The following DGKI variants were observed in gnomAD, a reference collection of about 807,000 sequenced individuals.
The protein encoded by DGKI is diacylglycerol kinase iota.
In DGKI, 55 loss-of-function variants were observed where a neutral mutation model predicts 147.5. The observed-to-expected ratio is 0.37, with a 90% CI of 0.30 to 0.47. The LOEUF (loss-of-function observed/expected upper bound fraction) is 0.47. Among genes scored for constraint, DGKI ranks in the 20% least tolerant of loss-of-function variants. The pLI, the probability that DGKI is intolerant of heterozygous loss-of-function variation, is 1.00. For missense variants in DGKI, 1,007 were observed against 1,323.8 expected, an observed-to-expected ratio of 0.76 and a Z score of 3.71; for synonymous variants, 469 against 477.1, an observed-to-expected ratio of 0.98 and a Z score of 0.22.
chr7:137,449,349 C>T (rs1813859163), intron 27 of DGKI, among the ~76,000 whole-genome samples: 1 of 152,176 alleles, frequency 6.6e-6, no homozygotes, highest in Non-Finnish European at 1.5e-5. Context: ...TTATAGCCAA[C>T]TGATTTTCAG....
At chr7:137,585,592 TC>T (rs145916158) in intron 13 of DGKI, among the ~76,000 whole-genome samples, 2,784 of 152,266 alleles carry the variant, frequency 0.018, 85 homozygotes, top group African/African-American at 0.063. Context: ...GAACCAATAG[TC>T]ACCGGTACAC....
chr7:137,743,998 A>T (rs1795254627), intron 1 of DGKI, among the ~76,000 whole-genome samples: 1 of 151,570 alleles, frequency 6.6e-6, no homozygotes, highest in Admixed American at 6.6e-5. Flanking sequence ...AGAAAAAAAA[A>T]AAAAACTAAT....
chr7:137,445,992 C>G (rs1187307866), intron 27 of DGKI, among the ~76,000 whole-genome samples: 1 of 152,182 alleles, frequency 6.6e-6, no homozygotes, highest in Non-Finnish European at 1.5e-5. Flanking sequence ...GTGCTTAGGT[C>G]ATACTAGAAT....
At chr7:137,401,680 G>T (rs1811767086) in intron 30 of DGKI, among the ~76,000 whole-genome samples, 1 of 152,168 alleles carries the variant, frequency 6.6e-6, no homozygotes. Flanking sequence ...TGTCAGCAGA[G>T]AATTCACTGT....
intron 20 of DGKI, among the ~76,000 whole-genome samples, chr7:137,539,409 A>G (rs562477799): frequency 6.6e-6 from 1 of 152,166 alleles, no homozygotes; most frequent in Non-Finnish European, 1.5e-5. Flanking sequence ...AAAGATGTTC[A>G]TGAACTCTTG....
intron 27 of DGKI, among the ~76,000 whole-genome samples, chr7:137,448,462 A>T (rs1813799860): frequency 6.7e-6 from 1 of 148,948 alleles, no homozygotes; most frequent in Non-Finnish European, 1.5e-5. Context: ...TGATTAATAA[A>T]TCTTCGTGTA....
At chr7:137,465,254 T>G (rs1485210626) in intron 26 of DGKI, among the ~76,000 whole-genome samples, 1 of 152,234 alleles carries the variant, frequency 6.6e-6, no homozygotes, top group Non-Finnish European at 1.5e-5. Flanking sequence ...AGAATGATGG[T>G]GATGACTATT....
chr7:137,662,099 A>T (rs966552054), intron 3 of DGKI, among the ~76,000 whole-genome samples: 2 of 152,234 alleles, frequency 1.3e-5, no homozygotes, highest in African/African-American at 4.8e-5. Context: ...GAATGACATT[A>T]TCTGAAAGTT....
intron 20 of DGKI, among the ~76,000 whole-genome samples, chr7:137,543,866 A>G (rs1024584504): frequency 2.6e-5 from 4 of 152,194 alleles, no homozygotes; most frequent in African/African-American, 7.2e-5. Context: ...CAAAATGCAC[A>G]TGTTGTGCTT....
chr7:137,455,012 C>G (rs1028073926), intron 27 of DGKI: 4 of 152,116 alleles, frequency 2.6e-5, no homozygotes, highest in Admixed American at 6.5e-5. Flanking sequence ...TCTCGTGATC[C>G]CGGATATGCA....
intron 28 of DGKI, among the ~76,000 whole-genome samples, chr7:137,426,375 G>T (rs1812806600): frequency 1.3e-5 from 2 of 152,138 alleles, no homozygotes; most frequent in African/African-American, 4.8e-5. Context: ...CAGCAGGCCT[G>T]CCCTAAAAGA....
At chr7:137,705,423 CATGA>C (rs1299417506) in intron 1 of DGKI, among the ~76,000 whole-genome samples, 1 of 151,988 alleles carries the variant, frequency 6.6e-6, no homozygotes, top group Non-Finnish European at 1.5e-5. Context: ...CTTCCAACAA[CATGA>C]ATGAATCTCA....
At chr7:137,756,318 T>C (rs1795679575) in intron 1 of DGKI, among the ~76,000 whole-genome samples, 2 of 152,206 alleles carry the variant, frequency 1.3e-5, no homozygotes, top group African/African-American at 4.8e-5. Context: ...TAGAAAATAA[T>C]GGAAATATAC....
chr7:137,817,624 A>C (rs1797777603), intron 1 of DGKI, among the ~76,000 whole-genome samples: 1 of 152,218 alleles, frequency 6.6e-6, no homozygotes, highest in Non-Finnish European at 1.5e-5. Flanking sequence ...TAATTTCACT[A>C]GTGATTAATA....
At position 137,651,779 on chromosome 7, in the gene DGKI, A is replaced by C. The variant is rs544358803; in HGVS notation, c.738+2953T>G. Among the ~76,000 whole-genome samples the C allele has an allele frequency of 2.6e-5, 4 of 152,318 alleles. No individual in the cohort carries two copies. In the East Asian group the frequency reaches 5.8e-4, roughly 22 times the overall value. ...GGGCCATCTGATGAAACAAGAAGAA[A>C]ATTAGGAAAGGGTGATGTGAGAAGC... On this transcript the variant is annotated intron_variant, in intron 5 of 32. Transcript: ENST00000614521.
intron 5 of DGKI, among the ~76,000 whole-genome samples, chr7:137,648,324 A>G (rs1226520458): frequency 6.6e-6 from 1 of 152,208 alleles, no homozygotes; most frequent in African/African-American, 2.4e-5. Flanking sequence ...ATCATGGCTG[A>G]CTCATGGGAT....
intron 1 of DGKI, among the ~76,000 whole-genome samples, chr7:137,740,171 C>A (rs1271736879): frequency 6.6e-6 from 1 of 152,124 alleles, no homozygotes; most frequent in African/African-American, 2.4e-5. Flanking sequence ...ATTTATGCAA[C>A]CTTGAAGAGA....
intron 28 of DGKI, among the ~76,000 whole-genome samples, chr7:137,434,327 C>G (rs1813199114): frequency 6.6e-6 from 1 of 151,900 alleles, no homozygotes; most frequent in African/African-American, 2.4e-5. Context: ...TGCCTGTAAT[C>G]CCAGCACTTT....
intron 19 of DGKI, among the ~76,000 whole-genome samples, chr7:137,556,291 C>T (rs1818221494): frequency 6.6e-6 from 1 of 150,732 alleles, no homozygotes; most frequent in Non-Finnish European, 1.5e-5. Flanking sequence ...AATTTAGAAG[C>T]ATTCCTTTCA....
Sources: allele counts gnomAD v4.1 joint callset (sites outside exome capture counted in the v4.1 genomes callset), GRCh38; gene constraint gnomAD v4.1.1; transcripts MANE v1.5; gene names NCBI Gene and HGNC (gene_info 2026-07-23, HGNC 2026-07-21).